The following CLCN2 variants were observed in gnomAD, a reference collection of about 807,000 sequenced individuals.
The protein encoded by CLCN2 is chloride channel protein 2.
A neutral mutation model predicts 108.3 loss-of-function variants in CLCN2; 72 were observed. That is an observed-to-expected ratio of 0.66 (90% CI 0.55 to 0.81). The LOEUF is 0.81. CLCN2 is among the 30% of genes least tolerant of loss of function. The pLI is 0.00. For synonymous variants in CLCN2, 471 were observed against 467.1 expected, an observed-to-expected ratio of 1.01 and a Z score of -0.11; for missense variants, 1,048 against 1,205.2, an observed-to-expected ratio of 0.87 and a Z score of 1.93.
At chr3:184,354,841 C>T (rs1206962215) in intron 13 of CLCN2, 63 bp downstream of exon 13, 1 of 1,558,414 alleles carries the variant, frequency 6.4e-7, no homozygotes, top group Non-Finnish European at 8.8e-7. Flanking sequence ...AGAGGGTTGG[C>T]TGGGGGGGTG....
intron 18 of CLCN2, 32 bp downstream of exon 18, chr3:184,353,001 A>AG (rs1560255891): frequency 1.9e-6 from 3 of 1,595,308 alleles, no homozygotes; most frequent in South Asian, 2.2e-5. Context: ...AGCTTGGCTG[A>AG]GGCTCTGTGG....
In CLCN2 at chr3:184,357,349, T is replaced by A. The variant is rs752911044; in HGVS notation, c.898+13A>T. On this transcript the variant is annotated intron_variant, in intron 8 of 23. Transcript: ENST00000265593. The stretch of plus-strand genomic sequence containing the variant: ...ACCATCTCGGGCTGCCCTCATCCCC[T>A]GGGTGCCCCCACCTTCATCCCGGTT... The A allele has an allele frequency of 6.2e-7, 1 of 1,614,014 alleles. No homozygotes were observed. Among genetic ancestry groups the A allele is most frequent in the South Asian group, 1.1e-5 (1 of 91,090 alleles).
In CLCN2 at chr3:184,359,047, T is replaced by C; in HGVS notation, c.148A>G (p.Lys50Glu). The C allele has an allele frequency of 6.2e-7, 1 of 1,613,640 alleles. No homozygotes were observed. ...RIRLGGPEPW[K>E]GPPSSRAAPE... The stretch of plus-strand genomic sequence containing the variant: ...GCAGCCCGAGAGGAAGGGGGACCTT[T>C]CCAGGGTTCAGGCCCTCCCAGGCGA... The change falls in exon 2 of 24, where the codon AAA (lysine) becomes GAA (glutamate). Residue 50 changes from lysine to glutamate, a missense_variant. Coordinates refer to ENST00000265593, the MANE Select transcript of CLCN2 (RefSeq NM_004366.6).
chr3:184,358,427 G>T, intron 3 of CLCN2, 117 bp from the exon 4 acceptor site: 1 of 1,457,358 alleles, frequency 6.9e-7, no homozygotes, highest in Non-Finnish European at 9.6e-7. Flanking sequence ...CAGGGCATGG[G>T]TGAAGGAAAG....
At position 184,353,939 on chromosome 3, in the gene CLCN2, T is replaced by G. The variant is rs114862202; in HGVS notation, c.1722-144A>C. 8.4e-4 allele frequency: 1,208 copies of G among 1,430,662 alleles called. 11 individuals carry two copies. In the African/African-American group the frequency reaches 0.015, roughly 18 times the overall value. 88.6% of individuals were successfully genotyped at this position (1,430,662 alleles called of 1,614,324 possible). A position where few individuals can be genotyped will look rare whatever the true frequency, so the allele number is the denominator to read the frequency against. ...ACCAAGGGGTGCTCCCACCCTTCTT[T>G]CTGAACAGCAGGGGCCAGCTACAGC... On this transcript the variant is annotated intron_variant, in intron 15 of 23. Transcript: ENST00000265593.
At chr3:184,352,862 G>C in intron 18 of CLCN2, 52 bp from the exon 19 acceptor site, 1 of 1,600,504 alleles carries the variant, frequency 6.2e-7, no homozygotes, top group Non-Finnish European at 8.6e-7. Context: ...TTTGGGGAGA[G>C]GACCAGGAAA....
At chr3:184,357,927 A>T in intron 5 of CLCN2, 35 bp downstream of exon 5, 3 of 1,613,760 alleles carry the variant, frequency 1.9e-6, no homozygotes. Flanking sequence ...CTCTTCCACC[A>T]GGAGGGACTC....
In CLCN2 at chr3:184,351,998, G is replaced by T; in HGVS notation, c.2415+15C>A. 1.2e-6 allele frequency: 2 copies of T among 1,600,046 alleles called. No homozygotes were observed. Among genetic ancestry groups the T allele is most frequent in the Non-Finnish European group, 1.7e-6 (2 of 1,167,974 alleles). On this transcript the variant is annotated intron_variant, in intron 22 of 23. Coordinates refer to ENST00000265593, the MANE Select transcript of CLCN2 (RefSeq NM_004366.6). ...GAGAGCCTAGACCAGCCCTGGGCCA[G>T]GCTGCTGGCCCTACCTTGTGCAAAG...
chr3:184,358,168 C>T lies in CLCN2; in HGVS notation c.481+14G>A. ...GGGGTCCCGCCTCTGCCCTCCCCTT[C>T]TCTTCTAACATACCGACAGCCTGAG... On this transcript the variant is annotated intron_variant, in intron 4 of 23. Coordinates refer to ENST00000265593, the MANE Select transcript of CLCN2 (RefSeq NM_004366.6). The T allele has an allele frequency of 2.5e-6, 4 of 1,614,190 alleles. No homozygotes were observed. The highest frequency in any genetic ancestry group is 3.4e-6 in the Non-Finnish European group (4 of 1,180,036).
Position 184,346,440 on chromosome 3 carries a change from C to A in CLCN2, c.*166G>T. 1 of 760,720 alleles carries A rather than the reference C, an allele frequency of 1.3e-6. No homozygotes were observed. The allele number at this position is 760,720 out of a possible 1,614,324, so 47.1% of individuals were successfully genotyped here. On this transcript the variant is annotated 3_prime_UTR_variant, in exon 24 of 24. Transcript: ENST00000265593. The surrounding 1 kb of genome is among the most constrained non-coding windows in gnomAD (Gnocchi z 6.0). The stretch of plus-strand genomic sequence containing the variant: ...TTGCAGGTGGGTAGTGGGTCAGATT[C>A]CAGGTAGGATGAACTGGGAGAAGCT...
intron 20 of CLCN2, 39 bp from the exon 21 acceptor site, chr3:184,352,370 G>A (rs749425538): frequency 5.0e-6 from 8 of 1,613,482 alleles, no homozygotes; most frequent in African/African-American, 4.0e-5. Flanking sequence ...TAGGGGCTCT[G>A]GAGTTTATCC....
chr3:184,358,010 G>A lies in CLCN2; in HGVS notation c.567C>T (p.Val189=). The A allele has an allele frequency of 1.1e-5, 17 of 1,614,096 alleles. No individual in the cohort carries two copies. The highest frequency in any genetic ancestry group is 1.4e-5 in the Non-Finnish European group (17 of 1,180,042). Residue 189 remains valine (V), a synonymous_variant, in exon 5 of 24, where the codon GTC becomes GTT. Coordinates refer to ENST00000265593, the MANE Select transcript of CLCN2 (RefSeq NM_004366.6). ...TGCCTAGGGCGCAGGTCAGCCCAAT[G>A]ACCTTAGCTATAAAGGTCTTGAGTG... ...YLTLKTFIAK[V]IGLTCALGSG...
Position 184,361,598 on chromosome 3 carries a change from C to G in CLCN2, c.-119G>C. 3 of 998,300 alleles carry G rather than the reference C, an allele frequency of 3.0e-6. No homozygotes were observed. The highest frequency in any genetic ancestry group is 4.1e-6 in the Non-Finnish European group (3 of 732,704). 61.8% of individuals were successfully genotyped at this position (998,300 alleles called of 1,614,324 possible). On this transcript the variant is annotated 5_prime_UTR_variant, in exon 1 of 24. Transcript: ENST00000265593. The surrounding 1 kb of genome is among the most constrained non-coding windows in gnomAD (Gnocchi z 6.6). ...TCCCCGCAGCCCGGGAGGCCGAGAG[C>G]AGAGTGCGGCGGGCCCCCGGCGGGC...
chr3:184,357,369 C>A lies in CLCN2; in HGVS notation c.891G>T (p.Arg297=). The change falls in exon 8 of 24, where the codon CGG becomes CGT. Residue 297 remains arginine (R), a synonymous_variant. Transcript: ENST00000265593. Reference sequence around the variant, plus strand: ...TCCCCTGGGTGCCCCCACCTTCATCCCGGTTCCAGACTGCCAAGACCCGGA... The same window carrying A: ...TCCCCTGGGTGCCCCCACCTTCATCACGGTTCCAGACTGCCAAGACCCGGA... ...FIFRVLAVWN[R]DEETITALFK... 6.2e-7 allele frequency: 1 copy of A among 1,614,100 alleles called. No individual in the cohort carries two copies. The highest frequency in any genetic ancestry group is 8.5e-7 in the Non-Finnish European group (1 of 1,180,024).
Position 184,347,032 on chromosome 3 carries a change from G to T in CLCN2, c.2416-11C>A, listed in dbSNP as rs1444677085. The stretch of plus-strand genomic sequence containing the variant: ...GAAGATAGTGTGAGTCTGCAGTGTG[G>T]GGAGAAAAGCGATTGGACTTGATGG... On this transcript the variant is annotated splice_polypyrimidine_tract_variant and intron_variant, in intron 22 of 23. Coordinates refer to ENST00000265593, the MANE Select transcript of CLCN2 (RefSeq NM_004366.6). 2 of 1,610,860 alleles carry T rather than the reference G, an allele frequency of 1.2e-6. No homozygotes were observed. Among genetic ancestry groups the T allele is most frequent in the Non-Finnish European group, 1.7e-6 (2 of 1,177,184 alleles).
chr3:184,357,634 G>A lies in CLCN2; in HGVS notation c.758C>T (p.Ala253Val), dbSNP rs1173897230. The stretch of plus-strand genomic sequence containing the variant: ...GCCCTGCCTACCTCCAATAGGTGCC[G>A]CGAAGCAGCAGCCCACCCCCACGGC... ...ACAVGVGCCF[A>V]APIGGVLFSI... The change falls in exon 7 of 24, where the codon GCG becomes GTG. Residue 253 changes from alanine (A) to valine (V), a missense_variant. Ala to Val is a moderately conservative substitution (Grantham distance 64). Coordinates refer to ENST00000265593, the MANE Select transcript of CLCN2 (RefSeq NM_004366.6). 2.4e-5 allele frequency: 38 copies of A among 1,613,874 alleles called. No homozygotes were observed. Among genetic ancestry groups the A allele is most frequent in the Non-Finnish European group, 2.8e-5 (33 of 1,180,038 alleles).
intron 22 of CLCN2, 40 bp downstream of exon 22, chr3:184,351,973 G>C (rs774343361): frequency 3.5e-6 from 5 of 1,447,408 alleles, no homozygotes; most frequent in Non-Finnish European, 4.9e-6. Context: ...ACTGTGTCCT[G>C]AGAGCCTAGA....
rs1344183219 is a variant in CLCN2, at chr3:184,359,441, G to A, written c.64-310C>T. 2.0e-5 allele frequency among the ~76,000 whole-genome samples: 3 copies of A among 152,204 alleles called. No individual in the cohort carries two copies. The East Asian group carries it at 5.8e-4, about 29-fold the overall frequency. On this transcript the variant is annotated intron_variant, in intron 1 of 23. Transcript: ENST00000265593. The stretch of plus-strand genomic sequence containing the variant: ...GGAGTGAGAGGGAAGCCCCAGAAGA[G>A]GAAAAGGTGGAAAAACCTGTGGCAC...
chr3:184,356,688 G>C (rs931478196), intron 10 of CLCN2: 10 of 432,706 alleles, frequency 2.3e-5, no homozygotes, highest in Non-Finnish European at 3.8e-5. Context: ...GGGTCATGGG[G>C]GGAACCTGAG....
Sources: gnomAD v4.1 joint callset for allele counts (sites outside exome capture counted in the v4.1 genomes callset) on GRCh38, gnomAD v4.1.1 for gene constraint, Gnocchi (gnomAD v3.1) non-coding constraint, MANE v1.5 for transcripts, NCBI Gene and HGNC (gene_info 2026-07-23, HGNC 2026-07-21) for gene names.